Variants in SLC39A11 observed in about 807,000 individuals in gnomAD.
SLC39A11 encodes the protein solute carrier family 39 member 11.
A neutral mutation model predicts 36.1 loss-of-function variants in SLC39A11; 33 were observed. That is an observed-to-expected ratio of 0.91 (90% CI 0.69 to 1.22). The LOEUF (loss-of-function observed/expected upper bound fraction) is 1.22, where lower values mean the gene tolerates loss of function less well. Among genes scored for constraint, SLC39A11 ranks in the 50% most tolerant of loss-of-function variants. The pLI, the probability that SLC39A11 is intolerant of heterozygous loss-of-function variation, is 0.00. For synonymous variants in SLC39A11, 166 were observed against 170.3 expected (o/e 0.97, Z 0.20); for missense variants, 432 against 430.3 (o/e 1.00, Z -0.03).
intron 5 of SLC39A11, among the ~76,000 whole-genome samples, chr17:72,940,464 C>T (rs543634826): frequency 4.6e-5 from 7 of 152,260 alleles, no homozygotes; most frequent in African/African-American, 1.2e-4. Context: ...TTAGTAGAGA[C>T]GGGGTTTCAC....
At chr17:72,691,394 TAA>T (rs149454598) in intron 7 of SLC39A11, among the ~76,000 whole-genome samples, 3 of 149,142 alleles carry the variant, frequency 2.0e-5, no homozygotes, top group Non-Finnish European at 3.0e-5. Flanking sequence ...TTCATGTATA[TAA>T]AAAAAAAATG....
chr17:73,085,642 CAAAAAAA>C (rs35729985), intron 2 of SLC39A11, among the ~76,000 whole-genome samples: 1 of 102,028 alleles, frequency 9.8e-6, no homozygotes, highest in Non-Finnish European at 1.9e-5. Context: ...AACTCCGCCT[CAAAAAAA>C]AAAAAAAAAA....
intron 5 of SLC39A11, among the ~76,000 whole-genome samples, chr17:72,937,225 G>A (rs1402281751): frequency 6.6e-6 from 1 of 152,190 alleles, no homozygotes; most frequent in African/African-American, 2.4e-5. Context: ...TGGATCGCCT[G>A]AGCTCAGGAG....
At chr17:72,975,032 G>T (rs1367706293) in intron 4 of SLC39A11, among the ~76,000 whole-genome samples, 1 of 152,172 alleles carries the variant, frequency 6.6e-6, no homozygotes, top group Non-Finnish European at 1.5e-5. Context: ...TACACTCTAT[G>T]ATGTTTGAAC....
intron 6 of SLC39A11, among the ~76,000 whole-genome samples, chr17:72,792,848 G>A (rs978134470): frequency 2.6e-5 from 4 of 152,120 alleles, no homozygotes; most frequent in Admixed American, 6.5e-5. Context: ...CATAAACACT[G>A]CCCATTGTGC....
At chr17:72,851,556 C>T (rs1343277624) in intron 5 of SLC39A11, among the ~76,000 whole-genome samples, 3 of 152,190 alleles carry the variant, frequency 2.0e-5, no homozygotes, top group East Asian at 3.9e-4. Flanking sequence ...TGAGTTGCTT[C>T]GCAGTGAACT....
chr17:72,831,039 GTGTT>G (rs760776843), intron 6 of SLC39A11, among the ~76,000 whole-genome samples: 7 of 152,248 alleles, frequency 4.6e-5, no homozygotes, highest in Admixed American at 6.5e-5. Context: ...CTGGAGGAAA[GTGTT>G]TGATTAAAAG....
At chr17:72,878,918 A>G (rs1423913739) in intron 5 of SLC39A11, among the ~76,000 whole-genome samples, 1 of 152,234 alleles carries the variant, frequency 6.6e-6, no homozygotes, top group African/African-American at 2.4e-5. Flanking sequence ...CTGATCCACT[A>G]TAAATTGGGG....
intron 3 of SLC39A11, among the ~76,000 whole-genome samples, chr17:73,057,932 A>G (rs1251087788): frequency 7.2e-5 from 11 of 151,934 alleles, no homozygotes; most frequent in Admixed American, 5.9e-4. Flanking sequence ...GCAAGACTCT[A>G]TCTCCAAAAA....
At chr17:72,978,280 G>A (rs544671233) in intron 4 of SLC39A11, among the ~76,000 whole-genome samples, 55 of 151,908 alleles carry the variant, frequency 3.6e-4, no homozygotes, top group Non-Finnish European at 5.6e-4. Context: ...GATATTTACC[G>A]AGCATTGTTC....
At chr17:72,912,723 A>C (rs1362428557) in intron 5 of SLC39A11, among the ~76,000 whole-genome samples, 1 of 152,150 alleles carries the variant, frequency 6.6e-6, no homozygotes, top group Admixed American at 6.6e-5. Context: ...AGAGCATCTC[A>C]CTTGGTCCTG....
chr17:73,089,908 A>G (rs2060869620), intron 1 of SLC39A11: 2 of 152,212 alleles, frequency 1.3e-5, no homozygotes, highest in South Asian at 4.1e-4. Flanking sequence ...TGGATCTGAG[A>G]TGACAATCAG....
intron 4 of SLC39A11, among the ~76,000 whole-genome samples, chr17:73,015,568 G>C (rs1265830004): frequency 2.0e-5 from 3 of 151,994 alleles, no homozygotes; most frequent in African/African-American, 4.8e-5. Context: ...TTCTACAACA[G>C]GGAGGCGATT....
At chr17:72,949,323 G>A (rs975837703) in intron 4 of SLC39A11, among the ~76,000 whole-genome samples, 11 of 151,796 alleles carry the variant, frequency 7.2e-5, no homozygotes, top group Middle Eastern at 6.8e-3. Context: ...ACCACGCCGG[G>A]CTAATCTTTG....
chr17:72,889,632 A>G (rs763240381), intron 5 of SLC39A11, among the ~76,000 whole-genome samples: 1 of 152,132 alleles, frequency 6.6e-6, no homozygotes, highest in Non-Finnish European at 1.5e-5. Context: ...CTTTGATGCT[A>G]GTGTTGTTGC....
chr17:72,845,624 G>A (rs1161765232), intron 6 of SLC39A11, among the ~76,000 whole-genome samples: 2 of 152,074 alleles, frequency 1.3e-5, no homozygotes, highest in African/African-American at 2.4e-5. Context: ...CATTTATTAT[G>A]ATGATGTTCA....
At position 72,997,223 on chromosome 17, in the gene SLC39A11, G is replaced by A. The variant is rs115579968; in HGVS notation, c.306+34333C>T. On this transcript the variant is annotated intron_variant, in intron 4 of 9. Coordinates refer to ENST00000255559, the MANE Select transcript of SLC39A11 (RefSeq NM_139177.4). ...GTGCCACAGCAACAATGAACGAGCC[G>A]GCCTGCTGCAAGGTCTCTTTAACGT... Among the ~76,000 whole-genome samples, 1,352 of 152,122 alleles carry A rather than the reference G, an allele frequency of 8.9e-3. 17 individuals carry two copies. Among genetic ancestry groups the A allele is most frequent in the South Asian group, 0.055 (265 of 4,814 alleles).
At chr17:72,942,579 T>C (rs1471121491) in intron 5 of SLC39A11, among the ~76,000 whole-genome samples, 4 of 152,124 alleles carry the variant, frequency 2.6e-5, no homozygotes, top group African/African-American at 7.2e-5. Flanking sequence ...TGACTGGAAA[T>C]ATCAGTGACA....
chr17:72,739,188 T>A (rs1285857884), intron 6 of SLC39A11, among the ~76,000 whole-genome samples: 1 of 151,170 alleles, frequency 6.6e-6, no homozygotes, highest in Non-Finnish European at 1.5e-5. Context: ...AGTGCAGTGG[T>A]GCGATCTCGG....
Sources: gnomAD v4.1 joint callset for allele counts (sites outside exome capture counted in the v4.1 genomes callset) on GRCh38, gnomAD v4.1.1 for gene constraint, MANE v1.5 for transcripts, NCBI Gene and HGNC (gene_info 2026-07-23, HGNC 2026-07-21) for gene names.